The following THSD7B variants were observed in gnomAD, a reference collection of about 807,000 sequenced individuals.
THSD7B encodes the protein thrombospondin type 1 domain containing 7B.
A neutral mutation model predicts 213.6 loss-of-function variants in THSD7B; 138 were observed. That is an observed-to-expected ratio of 0.65 (90% CI 0.56 to 0.74). THSD7B has a LOEUF of 0.74. THSD7B is among the 30% of genes least tolerant of loss of function. The probability of loss-of-function intolerance (pLI) is 0.00; values close to 1 mark genes in which losing one functional copy is unlikely to be tolerated. For synonymous variants in THSD7B, 742 were observed against 687.0 expected (o/e 1.08, Z -1.25); for missense variants, 1,931 against 1,991.5 (o/e 0.97, Z 0.58).
chr2:137,286,553 TA>T (rs764293037), intron 12 of THSD7B, among the ~76,000 whole-genome samples: 18 of 152,304 alleles, frequency 1.2e-4, no homozygotes, highest in Admixed American at 2.6e-4. Context: ...GCTGCAGTTT[TA>T]TTTTCTGCCG....
chr2:137,649,881 C>T (rs1167525127), intron 21 of THSD7B, among the ~76,000 whole-genome samples: 1 of 151,870 alleles, frequency 6.6e-6, no homozygotes, highest in East Asian at 1.9e-4. Flanking sequence ...GAATCCCTTG[C>T]CCTCAGGAGT....
At chr2:137,113,015 G>T (rs576969916) in intron 4 of THSD7B, among the ~76,000 whole-genome samples, 1 of 152,238 alleles carries the variant, frequency 6.6e-6, no homozygotes, top group African/African-American at 2.4e-5. Flanking sequence ...CTTGTCATCT[G>T]TACCACACTA....
rs969839442 is a variant in THSD7B at position 137,407,687 on chromosome 2, A to G, written c.2695+1880A>G. Among the ~76,000 whole-genome samples the G allele has an allele frequency of 3.3e-5, 5 of 152,244 alleles. No homozygotes were observed. The East Asian group carries it at 5.8e-4, about 18-fold the overall frequency. ...CTTTCTCTCTTTAATGCAAACACAC[A>G]CACTGAAACATATAAACATAAATAC... On this transcript the variant is annotated intron_variant, in intron 13 of 27. Coordinates refer to ENST00000409968, the MANE Select transcript of THSD7B (RefSeq NM_001316349.2).
chr2:137,557,512 C>T (rs1314755701), intron 15 of THSD7B, among the ~76,000 whole-genome samples: 5 of 152,032 alleles, frequency 3.3e-5, no homozygotes, highest in African/African-American at 7.3e-5. Flanking sequence ...TTCTTTGAAA[C>T]CAACGAGAAC....
intron 12 of THSD7B, among the ~76,000 whole-genome samples, chr2:137,315,031 C>A (rs1339964630): frequency 1.3e-5 from 2 of 152,196 alleles, no homozygotes; most frequent in African/African-American, 4.8e-5. Context: ...GTGTTGGGCT[C>A]CACCCAGTTC....
chr2:137,321,987 T>TACTCCA (rs1684272874), intron 12 of THSD7B, among the ~76,000 whole-genome samples: 4 of 152,226 alleles, frequency 2.6e-5, no homozygotes, highest in Non-Finnish European at 5.9e-5. Flanking sequence ...AGATGCTTTT[T>TACTCCA]AGGCACTCCA....
intron 16 of THSD7B, among the ~76,000 whole-genome samples, chr2:137,564,154 T>A (rs1243065637): frequency 1.3e-5 from 2 of 152,200 alleles, no homozygotes; most frequent in Non-Finnish European, 2.9e-5. Context: ...TTTTGTCAGA[T>A]TTAGGAAGCT....
intron 2 of THSD7B, among the ~76,000 whole-genome samples, 187 bp downstream of exon 2, chr2:136,882,504 T>A (rs1371741015): frequency 6.6e-6 from 1 of 152,232 alleles, no homozygotes; most frequent in African/African-American, 2.4e-5. Flanking sequence ...CCATCCATGA[T>A]GCTTGTTATC....
intron 5 of THSD7B, among the ~76,000 whole-genome samples, chr2:137,158,265 C>T (rs559736523): frequency 6.6e-6 from 1 of 152,312 alleles, no homozygotes; most frequent in South Asian, 2.1e-4. Flanking sequence ...CCTTTACACA[C>T]AGTTCATCAG....
chr2:137,337,187 A>T (rs1207678106), intron 12 of THSD7B, among the ~76,000 whole-genome samples: 1 of 152,032 alleles, frequency 6.6e-6, no homozygotes, highest in Non-Finnish European at 1.5e-5. Context: ...AGATTTCACC[A>T]ATTATCCCAC....
At chr2:137,670,396 C>CTAA (rs1221079190) in intron 27 of THSD7B, among the ~76,000 whole-genome samples, 5 of 152,150 alleles carry the variant, frequency 3.3e-5, no homozygotes, top group African/African-American at 1.2e-4. Flanking sequence ...TTATCTGCTA[C>CTAA]TAATTCCCTA....
In THSD7B at chr2:137,331,409, C is replaced by G. The variant is rs555000485; in HGVS notation, c.2500+55383C>G. Among the ~76,000 whole-genome samples the G allele has an allele frequency of 4.6e-5, 7 of 152,246 alleles. No individual in the cohort carries two copies. In the East Asian group the frequency reaches 5.8e-4, roughly 13 times the overall value. ...AGTGTTGATTGGTGCACTCACAAAC[C>G]CTGAGCTAGACACAGGGTGCTGATT... On this transcript the variant is annotated intron_variant, in intron 12 of 27. Coordinates refer to ENST00000409968, the MANE Select transcript of THSD7B (RefSeq NM_001316349.2).
At chr2:137,091,715 AT>A (rs1687951825) in intron 3 of THSD7B, among the ~76,000 whole-genome samples, 2 of 152,004 alleles carry the variant, frequency 1.3e-5, no homozygotes, top group Non-Finnish European at 2.9e-5. Context: ...GTCATATTGG[AT>A]TAAGGCCTAC....
chr2:137,310,112 C>T (rs554315988), intron 12 of THSD7B, among the ~76,000 whole-genome samples: 10 of 152,098 alleles, frequency 6.6e-5, no homozygotes, highest in Admixed American at 2.0e-4. Flanking sequence ...AACTAGTTTA[C>T]AGTCCCACCA....
intron 1 of THSD7B, among the ~76,000 whole-genome samples, chr2:136,798,874 G>C (rs1682119002): frequency 6.6e-6 from 1 of 151,994 alleles, no homozygotes. Flanking sequence ...GAAGTAGTTA[G>C]CAATGCTTTC....
At chr2:137,638,235 C>T (rs2104858363) in intron 20 of THSD7B, among the ~76,000 whole-genome samples, 1 of 152,282 alleles carries the variant, frequency 6.6e-6, no homozygotes, top group South Asian at 2.1e-4. Context: ...CCCAGAATTC[C>T]CACGTGTTGT....
chr2:136,992,544 C>T (rs374223263), intron 2 of THSD7B, among the ~76,000 whole-genome samples: 110 of 152,246 alleles, frequency 7.2e-4, no homozygotes, highest in African/African-American at 2.2e-3. Flanking sequence ...AGCCAATAAA[C>T]GGAGAACTAT....
intron 11 of THSD7B, among the ~76,000 whole-genome samples, chr2:137,273,425 TG>T: frequency 6.6e-6 from 1 of 152,176 alleles, no homozygotes; most frequent in African/African-American, 2.4e-5. Flanking sequence ...TACTTTAAGG[TG>T]TATTTGGATT....
chr2:137,351,406 G>T (rs1348882163), intron 12 of THSD7B, among the ~76,000 whole-genome samples: 1 of 151,810 alleles, frequency 6.6e-6, no homozygotes, highest in African/African-American at 2.4e-5. Context: ...TGTGACTTTA[G>T]GCAAGTCATG....
Sources: gnomAD v4.1 joint callset for allele counts (sites outside exome capture counted in the v4.1 genomes callset) on GRCh38, gnomAD v4.1.1 for gene constraint, MANE v1.5 for transcripts, NCBI Gene and HGNC (gene_info 2026-07-23, HGNC 2026-07-21) for gene names.